LRMDA: variants seen among roughly 807,000 people sequenced by gnomAD.
The protein encoded by LRMDA is leucine rich melanocyte differentiation associated.
Under a neutral mutation model 29.8 loss-of-function variants are expected in LRMDA, and 18 were observed. That is an observed-to-expected ratio of 0.60 (90% confidence interval 0.42 to 0.90). LRMDA has a LOEUF of 0.90. Among genes scored for constraint, LRMDA ranks in the 40% least tolerant of loss-of-function variants. The probability of loss-of-function intolerance (pLI) is 0.00; values close to 1 mark genes in which losing one functional copy is unlikely to be tolerated. For synonymous variants in LRMDA, 125 were observed against 109.4 expected, an observed-to-expected ratio of 1.14 and a Z score of -0.89; for missense variants, 273 against 273.9, an observed-to-expected ratio of 1.00 and a Z score of 0.02.
At chr10:76,446,058 G>A (rs1242740098) in intron 6 of LRMDA, among the ~76,000 whole-genome samples, 1 of 152,028 alleles carries the variant, frequency 6.6e-6, no homozygotes, top group African/African-American at 2.4e-5. Context: ...TCCTTTTATT[G>A]CGTAGATCTG....
At chr10:76,403,738 T>C (rs1444147846) in intron 6 of LRMDA, among the ~76,000 whole-genome samples, 1 of 152,176 alleles carries the variant, frequency 6.6e-6, no homozygotes, top group African/African-American at 2.4e-5. Context: ...TTGTTCATGA[T>C]GGTTATGCTT....
At chr10:75,964,645 G>A (rs1437333840) in intron 2 of LRMDA, among the ~76,000 whole-genome samples, 1 of 152,214 alleles carries the variant, frequency 6.6e-6, no homozygotes, top group African/African-American at 2.4e-5. Flanking sequence ...CCCCGTACAT[G>A]CACAGAGAAG....
rs115038304 is a variant in LRMDA, at chr10:75,899,692, G to A, written c.132-136316G>A. ...TAGATTTGGGGCTGGAGTAGGTGGG[G>A]GACTGATGAAGCATCCATTCATGGC... On this transcript the variant is annotated intron_variant, in intron 2 of 6. Coordinates refer to ENST00000611255, the MANE Select transcript of LRMDA (RefSeq NM_001305581.2). Among the ~76,000 whole-genome samples, 708 of 152,270 alleles carry A rather than the reference G, an allele frequency of 4.6e-3. 10 individuals carry two copies. Among genetic ancestry groups the A allele is most frequent in the African/African-American group, 0.016 (679 of 41,532 alleles).
At chr10:76,435,337 C>A (rs1253710792) in intron 6 of LRMDA, among the ~76,000 whole-genome samples, 1 of 152,094 alleles carries the variant, frequency 6.6e-6, no homozygotes, top group African/African-American at 2.4e-5. Context: ...TGTTCTCACC[C>A]CAAGTTTCTC....
At chr10:76,402,238 T>A (rs1159944951) in intron 6 of LRMDA, 1 of 152,242 alleles carries the variant, frequency 6.6e-6, no homozygotes, top group African/African-American at 2.4e-5. Flanking sequence ...TGGAACAAGC[T>A]TGAAATAGCC....
chr10:76,101,597 G>A (rs576405294), intron 5 of LRMDA, among the ~76,000 whole-genome samples: 1 of 152,170 alleles, frequency 6.6e-6, no homozygotes, highest in African/African-American at 2.4e-5. Context: ...TTAGCCAGGC[G>A]TGGTGCCACA....
At chr10:75,877,064 A>C (rs1845210896) in intron 2 of LRMDA, among the ~76,000 whole-genome samples, 4 of 152,218 alleles carry the variant, frequency 2.6e-5, no homozygotes, top group African/African-American at 4.8e-5. Flanking sequence ...TGGCTCAGGA[A>C]ACCAGAGACT....
At chr10:76,041,801 A>G (rs1048144036) in intron 3 of LRMDA, among the ~76,000 whole-genome samples, 1 of 152,082 alleles carries the variant, frequency 6.6e-6, no homozygotes. Flanking sequence ...GACAACACTG[A>G]AAAAAAATCT....
chr10:75,854,023 G>T (rs950923799), intron 2 of LRMDA, among the ~76,000 whole-genome samples: 4 of 152,180 alleles, frequency 2.6e-5, no homozygotes, highest in African/African-American at 9.7e-5. Flanking sequence ...CCTGGCAGCT[G>T]ATATTGTGTG....
chr10:76,013,020 A>G (rs1847812452), intron 2 of LRMDA, among the ~76,000 whole-genome samples: 1 of 152,114 alleles, frequency 6.6e-6, no homozygotes, highest in Non-Finnish European at 1.5e-5. Context: ...GAGAAGGGGG[A>G]GACACATAGG....
chr10:76,448,880 G>A (rs1444797546), intron 6 of LRMDA, among the ~76,000 whole-genome samples: 3 of 151,818 alleles, frequency 2.0e-5, no homozygotes, highest in African/African-American at 7.2e-5. Context: ...TCTATATTCT[G>A]TAAGTCTTGA....
At chr10:75,594,861 G>T (rs1840766588) in intron 2 of LRMDA, among the ~76,000 whole-genome samples, 1 of 152,172 alleles carries the variant, frequency 6.6e-6, no homozygotes, top group African/African-American at 2.4e-5. Context: ...GTGAATGTTG[G>T]CTTGAAGATG....
At chr10:76,281,716 C>T (rs1423423180) in intron 5 of LRMDA, among the ~76,000 whole-genome samples, 1 of 152,186 alleles carries the variant, frequency 6.6e-6, no homozygotes, top group Non-Finnish European at 1.5e-5. Context: ...TGTCAATCTG[C>T]CTTACCTGAC....
intron 2 of LRMDA, among the ~76,000 whole-genome samples, chr10:76,029,820 A>T (rs1202734319): frequency 5.9e-5 from 9 of 152,124 alleles, no homozygotes; most frequent in Admixed American, 4.6e-4. Context: ...CAGTTCAGGG[A>T]TTAGCCATCA....
At chr10:75,933,481 G>C (rs551876050) in intron 2 of LRMDA, among the ~76,000 whole-genome samples, 3 of 152,292 alleles carry the variant, frequency 2.0e-5, no homozygotes, top group Non-Finnish European at 4.4e-5. Context: ...TCCTTGTTAA[G>C]AGCAGTGGAT....
chr10:75,864,885 A>G (rs1412669207), intron 2 of LRMDA, among the ~76,000 whole-genome samples: 1 of 152,200 alleles, frequency 6.6e-6, no homozygotes, highest in East Asian at 1.9e-4. Flanking sequence ...TTGCCATTAT[A>G]TCATACCTCC....
chr10:75,508,244 G>A (rs1845189553), intron 2 of LRMDA, among the ~76,000 whole-genome samples: 1 of 137,670 alleles, frequency 7.3e-6, no homozygotes, highest in African/African-American at 2.5e-5. Flanking sequence ...GCAAGAAGAG[G>A]CAAATTATGG....
intron 2 of LRMDA, among the ~76,000 whole-genome samples, chr10:75,740,114 C>T (rs1842811556): frequency 6.6e-6 from 1 of 152,150 alleles, no homozygotes; most frequent in African/African-American, 2.4e-5. Flanking sequence ...TATGTACAGC[C>T]ATACATAATG....
intron 2 of LRMDA, among the ~76,000 whole-genome samples, chr10:75,877,681 A>G (rs563119276): frequency 4.6e-5 from 7 of 152,336 alleles, no homozygotes; most frequent in Middle Eastern, 3.4e-3. Context: ...GAATACCTGG[A>G]GGTAGTTAGT....
Sources: allele counts gnomAD v4.1 joint callset (sites outside exome capture counted in the v4.1 genomes callset), GRCh38; gene constraint gnomAD v4.1.1; transcripts MANE v1.5; gene names NCBI Gene and HGNC (gene_info 2026-07-23, HGNC 2026-07-21).